The following GRM1 variants were observed in gnomAD, a reference collection of about 807,000 sequenced individuals.
The protein encoded by GRM1 is metabotropic glutamate receptor 1.
Under a neutral mutation model 90.9 loss-of-function variants are expected in GRM1, and 33 were observed. The observed-to-expected ratio is 0.36, with a 90% CI of 0.28 to 0.49. The LOEUF is 0.49. GRM1 is among the 20% of genes least tolerant of loss of function. The probability of loss-of-function intolerance (pLI) is 0.99; values close to 1 mark genes in which losing one functional copy is unlikely to be tolerated. For missense variants in GRM1, 1,190 were observed against 1,534.3 expected (o/e 0.78, Z 3.75); for synonymous variants, 700 against 613.2 (o/e 1.14, Z -2.09).
intron 2 of GRM1, among the ~76,000 whole-genome samples, chr6:146,205,196 GA>G (rs1449832085): frequency 1.3e-5 from 2 of 152,142 alleles, no homozygotes; most frequent in African/African-American, 4.8e-5. Context: ...GATTTTGTTA[GA>G]AAATGACAAA....
intron 2 of GRM1, among the ~76,000 whole-genome samples, chr6:146,244,701 A>G (rs1780994656): frequency 6.6e-6 from 1 of 152,222 alleles, no homozygotes; most frequent in African/African-American, 2.4e-5. Context: ...CGTGTGTAAT[A>G]GAAGTTTTGT....
intron 2 of GRM1, among the ~76,000 whole-genome samples, chr6:146,176,569 AAGAGTTC>A (rs1305338854): frequency 1.3e-5 from 2 of 152,072 alleles, no homozygotes; most frequent in South Asian, 2.1e-4. Context: ...TAGTATGTTC[AAGAGTTC>A]ACTTGGCTCT....
At chr6:146,382,599 G>A (rs572040939) in intron 5 of GRM1, among the ~76,000 whole-genome samples, 1 of 152,200 alleles carries the variant, frequency 6.6e-6, no homozygotes, top group South Asian at 2.1e-4. Context: ...TAAGCATAGA[G>A]ACTACCCTTC....
chr6:146,294,682 C>T (rs1783114541), intron 2 of GRM1, among the ~76,000 whole-genome samples: 1 of 152,140 alleles, frequency 6.6e-6, no homozygotes, highest in Admixed American at 6.5e-5. Context: ...GAGAGATTCA[C>T]ATAGAGGCGA....
intron 1 of GRM1, among the ~76,000 whole-genome samples, chr6:146,150,527 C>T (rs140977208): frequency 2.0e-4 from 31 of 152,192 alleles, no homozygotes; most frequent in East Asian, 7.7e-4. Flanking sequence ...TTGGGATATT[C>T]GTCACTTCAA....
chr6:146,031,139 A>G (rs1450824418), intron 1 of GRM1, among the ~76,000 whole-genome samples: 1 of 152,190 alleles, frequency 6.6e-6, no homozygotes, highest in East Asian at 1.9e-4. Flanking sequence ...AATTTTTTAT[A>G]TAAAGATTTT....
intron 1 of GRM1, among the ~76,000 whole-genome samples, chr6:146,124,464 C>T (rs369915963): frequency 1.3e-5 from 2 of 152,154 alleles, no homozygotes; most frequent in East Asian, 3.9e-4. Context: ...GACCATTTTT[C>T]TTATCCTTTT....
At chr6:146,345,146 A>G (rs570429832) in intron 3 of GRM1, among the ~76,000 whole-genome samples, 8 of 152,168 alleles carry the variant, frequency 5.3e-5, no homozygotes, top group Non-Finnish European at 1.0e-4. Context: ...ATGTGTTGCT[A>G]ATACTGTAGT....
intron 2 of GRM1, among the ~76,000 whole-genome samples, chr6:146,237,185 A>G (rs1251789079): frequency 5.3e-5 from 8 of 151,874 alleles, no homozygotes; most frequent in Non-Finnish European, 8.8e-5. Context: ...AGATTTTCCT[A>G]TATATTTTTT....
At chr6:146,295,845 T>C (rs1323011134) in intron 2 of GRM1, among the ~76,000 whole-genome samples, 1 of 152,126 alleles carries the variant, frequency 6.6e-6, no homozygotes, top group Non-Finnish European at 1.5e-5. Context: ...CTAAGCCTAG[T>C]ACCCAATTGT....
In GRM1 at chr6:146,398,796, T is replaced by G; in HGVS notation, c.1757T>G (p.Leu586Arg). ...TGCEPIPVRYLEWSNIESIIA... is the reference protein window; with the variant it reads ...TGCEPIPVRYREWSNIESIIA... ...TGTGAGCCCATTCCTGTGCGCTATC[T>G]TGAGTGGAGCAACATCGAATCCATT... The change falls in exon 7 of 8, where the codon CTT (leucine) becomes CGT (arginine). Residue 586 changes from leucine to arginine, a missense_variant. Coordinates refer to ENST00000282753, the MANE Select transcript of GRM1 (RefSeq NM_001278064.2). 6.2e-7 allele frequency: 1 copy of G among 1,613,540 alleles called. No individual in the cohort carries two copies. The highest frequency in any genetic ancestry group is 8.5e-7 in the Non-Finnish European group (1 of 1,179,442).
chr6:146,155,685 T>G lies in GRM1; in HGVS notation c.701-3663T>G, dbSNP rs935863413. Among the ~76,000 whole-genome samples the G allele has an allele frequency of 5.3e-5, 8 of 152,172 alleles. No individual in the cohort carries two copies. In the South Asian group the frequency reaches 1.7e-3, roughly 32 times the overall value. On this transcript the variant is annotated intron_variant, in intron 1 of 7. Coordinates refer to ENST00000282753, the MANE Select transcript of GRM1 (RefSeq NM_001278064.2). ...ATCTTTTCAGGTGATGGAAATAGCA[T>G]GCATGAGTTTGGGGTATTCCCCCAA...
chr6:146,334,288 T>A (rs990601532), intron 3 of GRM1, among the ~76,000 whole-genome samples: 2 of 152,252 alleles, frequency 1.3e-5, no homozygotes, highest in Admixed American at 6.5e-5. Context: ...GGCAGCCTAC[T>A]GCCTAGACCC....
At chr6:146,385,830 G>T (rs1433788208) in intron 5 of GRM1, among the ~76,000 whole-genome samples, 1 of 151,838 alleles carries the variant, frequency 6.6e-6, no homozygotes, top group Non-Finnish European at 1.5e-5. Context: ...TTACTGTAGG[G>T]TTCTTACATT....
chr6:146,058,459 A>G (rs1775556036), intron 1 of GRM1, among the ~76,000 whole-genome samples: 1 of 152,146 alleles, frequency 6.6e-6, no homozygotes, highest in African/African-American at 2.4e-5. Context: ...TACTGCTAAA[A>G]AATGCTAATG....
chr6:146,130,379 A>C (rs1043676755), intron 1 of GRM1, among the ~76,000 whole-genome samples: 1 of 152,092 alleles, frequency 6.6e-6, no homozygotes, highest in Non-Finnish European at 1.5e-5. Flanking sequence ...AATGAAAATA[A>C]ATTTCTTAAG....
chr6:146,370,561 A>G (rs1775860149), intron 5 of GRM1, among the ~76,000 whole-genome samples: 1 of 152,060 alleles, frequency 6.6e-6, no homozygotes, highest in Admixed American at 6.6e-5. Context: ...TTTAACTTCA[A>G]TAATCGGGTC....
rs149877321 is a variant in GRM1, at chr6:146,400,652, G to A, written c.2660+953G>A. On this transcript the variant is annotated intron_variant, in intron 7 of 7. Transcript: ENST00000282753. ...CCCATGAAAACAAATTTCATGTAACGTTTTTTATTTCAAAAATAGCACGGA... is the reference window on the plus strand; with the variant it reads ...CCCATGAAAACAAATTTCATGTAACATTTTTTATTTCAAAAATAGCACGGA... Among the ~76,000 whole-genome samples the A allele has an allele frequency of 1.7e-4, 26 of 152,156 alleles. No homozygotes were observed. In the East Asian group the frequency reaches 4.3e-3, roughly 25 times the overall value.
At chr6:146,264,277 G>A (rs886995633) in intron 2 of GRM1, among the ~76,000 whole-genome samples, 4 of 152,034 alleles carry the variant, frequency 2.6e-5, no homozygotes, top group African/African-American at 7.2e-5. Flanking sequence ...TGAGTCATTA[G>A]ATACTCCAAT....
Sources: allele counts gnomAD v4.1 joint callset (sites outside exome capture counted in the v4.1 genomes callset), GRCh38; gene constraint gnomAD v4.1.1; transcripts MANE v1.5; gene names NCBI Gene and HGNC (gene_info 2026-07-23, HGNC 2026-07-21).